Variants in KIAA0930 observed in about 807,000 individuals in gnomAD.
KIAA0930 encodes the protein KIAA0930, also known as uncharacterized protein KIAA0930.
A neutral mutation model predicts 43.9 loss-of-function variants in KIAA0930; 24 were observed. That is an observed-to-expected ratio of 0.55 (90% CI 0.40 to 0.77). The LOEUF (loss-of-function observed/expected upper bound fraction) is 0.77. KIAA0930 is among the 30% of genes least tolerant of loss of function. KIAA0930 has a pLI of 0.00. For missense variants in KIAA0930, 461 were observed against 574.2 expected, an observed-to-expected ratio of 0.80 and a Z score of 2.02; for synonymous variants, 259 against 216.4, an observed-to-expected ratio of 1.20 and a Z score of -1.73.
intron 2 of KIAA0930, among the ~76,000 whole-genome samples, chr22:45,209,153 G>C (rs563312866): frequency 2.0e-5 from 3 of 152,174 alleles, no homozygotes; most frequent in African/African-American, 7.2e-5. Flanking sequence ...GCCCATCCAC[G>C]CTCCCCTGCT....
intron 1 of KIAA0930, among the ~76,000 whole-genome samples, chr22:45,233,182 G>A (rs1004966814): frequency 6.6e-6 from 1 of 152,068 alleles, no homozygotes; most frequent in African/African-American, 2.4e-5. Context: ...CAGACAGAGG[G>A]AACGAATGAA....
chr22:45,205,450 G>T, intron 4 of KIAA0930, 132 bp from the exon 5 acceptor site: 1 of 919,534 alleles, frequency 1.1e-6, no homozygotes, highest in South Asian at 1.5e-5. Flanking sequence ...AGGAGATGTG[G>T]GGGATAAGCT....
intron 9 of KIAA0930, among the ~76,000 whole-genome samples, 194 bp from the exon 10 acceptor site, chr22:45,197,410 C>T (rs764025853): frequency 3.4e-4 from 51 of 152,188 alleles, no homozygotes; most frequent in Non-Finnish European, 5.1e-4. Flanking sequence ...CTCGCAGCAA[C>T]GGCACACCCT....
intron 1 of KIAA0930, among the ~76,000 whole-genome samples, chr22:45,215,734 A>G (rs1347512001): frequency 6.6e-6 from 1 of 152,268 alleles, no homozygotes; most frequent in African/African-American, 2.4e-5. Flanking sequence ...CGTAAATCAC[A>G]TGGAAACACC....
intron 1 of KIAA0930, among the ~76,000 whole-genome samples, chr22:45,223,721 C>T (rs1427357839): frequency 6.6e-6 from 1 of 150,422 alleles, no homozygotes. Flanking sequence ...CCAGGAACAG[C>T]ACCAGATGAG....
chr22:45,203,255 T>C (rs2083605963), intron 6 of KIAA0930, 71 bp from the exon 7 acceptor site: 3 of 1,453,402 alleles, frequency 2.1e-6, no homozygotes, highest in East Asian at 2.4e-5. Flanking sequence ...CCCCAGGACA[T>C]GAACAGCCAG....
At chr22:45,216,670 C>T (rs9626655) in intron 1 of KIAA0930, among the ~76,000 whole-genome samples, 23,720 of 151,990 alleles carry the variant, frequency 0.16, 2,146 homozygotes, top group African/African-American at 0.24. Flanking sequence ...TCACAAGCCC[C>T]GGGAGCTGCT....
chr22:45,237,362 G>A (rs532159652), intron 1 of KIAA0930, among the ~76,000 whole-genome samples: 21 of 152,136 alleles, frequency 1.4e-4, no homozygotes, highest in Middle Eastern at 3.4e-3. Context: ...CAACACTCCC[G>A]CCCCCTCTCA....
At chr22:45,213,616 C>T in intron 1 of KIAA0930, 6 of 483,082 alleles carry the variant, frequency 1.2e-5, no homozygotes, top group Non-Finnish European at 1.8e-5. Flanking sequence ...GTGATTATTC[C>T]TGGATAAACT....
Position 45,219,773 on chromosome 22 carries a change from G to A in KIAA0930, c.65-7666C>T, listed in dbSNP as rs1314630341. On this transcript the variant is annotated intron_variant, in intron 1 of 9. Coordinates refer to ENST00000336156, the MANE Select transcript of KIAA0930 (RefSeq NM_001009880.2). ...GACCCAGCTAATTTTTGTATTTTTG[G>A]TAGAGACAGGTTTCACCATGTTGCC... Among the ~76,000 whole-genome samples the A allele has an allele frequency of 2.6e-5, 4 of 151,830 alleles. No individual in the cohort carries two copies. In the East Asian group the frequency reaches 5.8e-4, roughly 22 times the overall value.
Position 45,212,275 on chromosome 22 carries a change from T to C in KIAA0930, c.65-168A>G, listed in dbSNP as rs768786233. The C allele has an allele frequency of 2.5e-6, 4 of 1,613,238 alleles. No individual in the cohort carries two copies. The Admixed American group carries it at 5.0e-5, about 20-fold the overall frequency. Reference sequence around the variant, plus strand: ...ACTCCCGACCCCCACCCATGGAGCATCCAGAGAGGCTGGAGGACACCTCCC... The same window carrying C: ...ACTCCCGACCCCCACCCATGGAGCACCCAGAGAGGCTGGAGGACACCTCCC... On this transcript the variant is annotated intron_variant, in intron 1 of 9. Transcript: ENST00000336156.
intron 2 of KIAA0930, among the ~76,000 whole-genome samples, chr22:45,208,017 C>T (rs1017420886): frequency 6.6e-5 from 10 of 152,312 alleles, no homozygotes; most frequent in South Asian, 2.1e-4. Flanking sequence ...CACGATCACA[C>T]GGCTGTTCGG....
intron 2 of KIAA0930, among the ~76,000 whole-genome samples, chr22:45,209,308 A>G (rs1396410319): frequency 7.9e-6 from 1 of 127,098 alleles, no homozygotes; most frequent in East Asian, 2.2e-4. Flanking sequence ...CCGAGCGCTC[A>G]GGGCTTTTGC....
intron 1 of KIAA0930, among the ~76,000 whole-genome samples, chr22:45,232,726 A>G (rs1053457327): frequency 2.0e-5 from 3 of 152,172 alleles, no homozygotes; most frequent in African/African-American, 7.2e-5. Flanking sequence ...GGAAGCCTGG[A>G]GTCACATCTT....
intron 7 of KIAA0930, among the ~76,000 whole-genome samples, chr22:45,200,661 C>G (rs2083579839): frequency 6.6e-6 from 1 of 152,234 alleles, no homozygotes; most frequent in South Asian, 2.1e-4. Flanking sequence ...CTTCTAATCA[C>G]GTTTGGTTCT....
intron 1 of KIAA0930, among the ~76,000 whole-genome samples, chr22:45,236,647 C>G (rs5766582): frequency 6.6e-6 from 1 of 151,856 alleles, no homozygotes. Flanking sequence ...CTCACCTCTG[C>G]GCAGGGTTAA....
intron 1 of KIAA0930, among the ~76,000 whole-genome samples, chr22:45,238,535 G>A (rs2083899862): frequency 6.6e-6 from 1 of 152,196 alleles, no homozygotes; most frequent in Admixed American, 6.5e-5. Flanking sequence ...GAGCTGGAAA[G>A]AGTTCCCGGA....
intron 1 of KIAA0930, among the ~76,000 whole-genome samples, chr22:45,216,625 T>A (rs1275979877): frequency 6.6e-6 from 1 of 152,088 alleles, no homozygotes; most frequent in African/African-American, 2.4e-5. Flanking sequence ...CCCTTCACCC[T>A]TTCCCAGGGG....
intron 8 of KIAA0930, among the ~76,000 whole-genome samples, chr22:45,198,982 G>C (rs2235155): frequency 0.1 from 15,714 of 152,136 alleles, 960 homozygotes; most frequent in East Asian, 0.14. Flanking sequence ...CAACAGACAC[G>C]CACACAGTGC....
Sources: allele counts gnomAD v4.1 joint callset (sites outside exome capture counted in the v4.1 genomes callset), GRCh38; gene constraint gnomAD v4.1.1; transcripts MANE v1.5; gene names NCBI Gene and HGNC (gene_info 2026-07-23, HGNC 2026-07-21).